Variants in KDM6B observed in about 807,000 individuals in gnomAD.
The protein encoded by KDM6B is lysine-specific demethylase 6B.
Under a neutral mutation model 150.4 loss-of-function variants are expected in KDM6B, and 22 were observed. The observed-to-expected ratio is 0.15, with a 90% confidence interval of 0.10 to 0.21. The LOEUF is 0.21. Ranked by LOEUF, KDM6B falls within the 10% of genes least tolerant of loss-of-function variation. The pLI is 1.00. For synonymous variants in KDM6B, 1,148 were observed against 921.1 expected (o/e 1.25, Z -4.46); for missense variants, 1,984 against 2,234.3 (o/e 0.89, Z 2.26).
chr17:7,845,333 G>C lies in KDM6B; in HGVS notation c.-129G>C. 1 of 639,692 alleles carries C rather than the reference G, an allele frequency of 1.6e-6. No individual in the cohort carries two copies. Among genetic ancestry groups the C allele is most frequent in the South Asian group, 1.8e-5 (1 of 56,274 alleles). 39.6% of individuals were successfully genotyped at this position (639,692 alleles called of 1,614,324 possible). On this transcript the variant is annotated 5_prime_UTR_variant, in exon 4 of 24. Transcript: ENST00000448097. ...CTCTAGAATTGGCTGTGAAAGGACT[G>C]AGGCAGCCATCTGGGGGTAGCGGGC...
chr17:7,851,837 G>T, intron 18 of KDM6B, 41 bp downstream of exon 18: 1 of 1,562,260 alleles, frequency 6.4e-7, no homozygotes, highest in Non-Finnish European at 8.7e-7. Context: ...GGAAGCGCGA[G>T]AGGAGGGGCT....
At chr17:7,852,671 C>G (rs761912555) in intron 21 of KDM6B, 35 bp downstream of exon 21, 5 of 1,613,310 alleles carry the variant, frequency 3.1e-6, no homozygotes, top group East Asian at 4.5e-5. Context: ...CCCACCTCCA[C>G]TGACTGGTCC....
intron 21 of KDM6B, 58 bp from the exon 22 acceptor site, chr17:7,852,942 G>T: frequency 6.2e-7 from 1 of 1,611,880 alleles, no homozygotes; most frequent in Non-Finnish European, 8.5e-7. Context: ...CCTTGCTCCA[G>T]CCCTGCCTCA....
At position 7,845,944 on chromosome 17, in the gene KDM6B, C is replaced by T; in HGVS notation, c.210C>T (p.His70=). 1.2e-6 allele frequency: 2 copies of T among 1,613,952 alleles called. No individual in the cohort carries two copies. Among genetic ancestry groups the T allele is most frequent in the African/African-American group, 1.3e-5 (1 of 75,038 alleles). The change falls in exon 6 of 24, where the codon CAC becomes CAT. Residue 70 remains histidine (H), a synonymous_variant. Transcript: ENST00000448097. ...LPPSHGSSSG[H]PSKPYYAPGA... ...CTTCACATGGCAGTAGTTCTGGGCA[C>T]CCCAGCAAACCATATTATGCTCCAG...
intron 1 of KDM6B, among the ~76,000 whole-genome samples, chr17:7,835,767 C>A (rs1470400116): frequency 6.6e-6 from 1 of 151,392 alleles, no homozygotes; most frequent in Non-Finnish European, 1.5e-5. Context: ...CTGCGCCGCA[C>A]GCGCCCGAGC....
chr17:7,837,773 CTTG>C (rs1279283582), intron 1 of KDM6B, among the ~76,000 whole-genome samples: 8 of 152,254 alleles, frequency 5.3e-5, no homozygotes, highest in Admixed American at 2.0e-4. Context: ...AGAATGAGTG[CTTG>C]TTGTTATGAA....
chr17:7,851,274 T>A (rs199504557), intron 15 of KDM6B, 48 bp downstream of exon 15: 1 of 1,613,132 alleles, frequency 6.2e-7, no homozygotes, highest in African/African-American at 1.3e-5. Flanking sequence ...GGGGCTGCGG[T>A]GGGAGGGCTC....
At chr17:7,851,817 C>T (rs2078701088) in intron 18 of KDM6B, 21 bp downstream of exon 18, 3 of 1,557,046 alleles carry the variant, frequency 1.9e-6, no homozygotes, top group South Asian at 1.2e-5. Context: ...CGCCTGTGCG[C>T]GCTGATGCTG....
At position 7,843,281 on chromosome 17, in the gene KDM6B, G is replaced by GT. The variant is rs1224431650; in HGVS notation, c.-268-1619dup. ...TCCCCGCCCCTGCCTCGGTACTCGGGTGGGGGCAGTCACGGAGGGCCATAC... is the reference window on the plus strand; with the variant it reads ...TCCCCGCCCCTGCCTCGGTACTCGGGTTGGGGGCAGTCACGGAGGGCCATAC... On this transcript the variant is annotated intron_variant, in intron 2 of 23. Transcript: ENST00000448097. This position sits in a 1 kb window ranked among gnomAD's most constrained non-coding sequence, Gnocchi z 4.5. 1.3e-5 allele frequency among the ~76,000 whole-genome samples: 2 copies of GT among 152,172 alleles called. No individual in the cohort carries two copies. Among genetic ancestry groups the GT allele is most frequent in the Non-Finnish European group, 2.9e-5 (2 of 68,020 alleles).
Position 7,848,290 on chromosome 17 carries a change from C to T in KDM6B, c.2002C>T (p.Pro668Ser), listed in dbSNP as rs2078607941. Residue 668 changes from proline (P) to serine (S), a missense_variant, in exon 12 of 24, where the codon CCT (proline) becomes TCT (serine). Around this residue, in one of 13 missense-constraint regions of KDM6B, gnomAD observed 1,379 missense variants for 1,275.6 expected, o/e 1.08. Transcript: ENST00000448097. ...GGTTGGGGAGCTGCCTGCCCGAGGC[C>T]CTCGACTCTTTGATTTTCCCCCCAC... ...PGVGELPARG[P>S]RLFDFPPTPL... The T allele has an allele frequency of 1.2e-6, 2 of 1,612,446 alleles. No individual in the cohort carries two copies. Among genetic ancestry groups the T allele is most frequent in the Non-Finnish European group, 1.7e-6 (2 of 1,179,792 alleles).
chr17:7,853,639 C>T lies in KDM6B; in HGVS notation c.*118C>T, dbSNP rs991095804. On this transcript the variant is annotated 3_prime_UTR_variant, in exon 24 of 24. Coordinates refer to ENST00000448097, the MANE Select transcript of KDM6B (RefSeq NM_001348716.2). ...AGAAGGGGGTCGGGCCCAGCCCTTC[C>T]ACCCCATTGGCAGCTCCCCTCACTT... The T allele has an allele frequency of 1.1e-5, 7 of 647,466 alleles. No homozygotes were observed. The highest frequency in any genetic ancestry group is 1.6e-5 in the Non-Finnish European group (7 of 450,260). The allele number at this position is 647,466 out of a possible 1,614,324, so 40.1% of individuals were successfully genotyped here. A position where few individuals can be genotyped will look rare whatever the true frequency, so the allele number is the denominator to read the frequency against.
intron 2 of KDM6B, among the ~76,000 whole-genome samples, chr17:7,842,432 G>C (rs564870367): frequency 6.6e-6 from 1 of 152,336 alleles, no homozygotes; most frequent in South Asian, 2.1e-4. Context: ...TCCCAGCCTG[G>C]CTCTGGCCGC....
rs2078574992 is a variant in KDM6B at position 7,847,388 on chromosome 17, CCAG to C, written c.1203_1205del (p.Ser406del). ...CCCCCTGGCCTCCCCGGCACCACCA[CCAG>C]CAGCAGCAGTAGCAGCAGCAGCAAC... On this transcript the variant is annotated inframe_deletion, in exon 11 of 24. Coordinates refer to ENST00000448097, the MANE Select transcript of KDM6B (RefSeq NM_001348716.2). 1.2e-6 allele frequency: 2 copies of C among 1,613,472 alleles called. No individual in the cohort carries two copies. Among genetic ancestry groups the C allele is most frequent in the Non-Finnish European group, 8.5e-7 (1 of 1,179,992 alleles).
chr17:7,835,841 G>A (rs985900278), intron 1 of KDM6B, among the ~76,000 whole-genome samples: 1 of 150,490 alleles, frequency 6.6e-6, no homozygotes, highest in Non-Finnish European at 1.5e-5. Flanking sequence ...GTGTAAAGCC[G>A]CCTGAGGCTG....
intron 5 of KDM6B, 65 bp downstream of exon 5, chr17:7,845,756 G>A: frequency 6.2e-7 from 1 of 1,610,898 alleles, no homozygotes; most frequent in Non-Finnish European, 8.5e-7. Context: ...CTCAATCTGT[G>A]TCATTCTCCA....
Position 7,847,375 on chromosome 17 carries a change from C to T in KDM6B, c.1180C>T (p.Pro394Ser). 1 of 1,613,122 alleles carries T rather than the reference C, an allele frequency of 6.2e-7. No homozygotes were observed. The stretch of plus-strand genomic sequence containing the variant: ...CGCCCCTTCCCGGCCCCCTGGCCTC[C>T]CCGGCACCACCACCAGCAGCAGCAG... ...PYAPSRPPGL[P>S]GTTTSSSSSS... The change falls in exon 11 of 24, where the codon CCC (proline) becomes TCC (serine). Residue 394 changes from proline to serine, a missense_variant. Physicochemically the swap from Pro to Ser is moderately conservative, Grantham distance 74 (BLOSUM62 -1). This residue lies in a region of KDM6B where 1,379 missense variants were observed against 1,275.6 expected (regional missense o/e 1.08). Coordinates refer to ENST00000448097, the MANE Select transcript of KDM6B (RefSeq NM_001348716.2).
rs764318091 is a variant in KDM6B, at chr17:7,846,807, C to T, written c.712-12C>T. On this transcript the variant is annotated splice_polypyrimidine_tract_variant and intron_variant, in intron 9 of 23. Transcript: ENST00000448097. ...CTTGGGAATGGGATTCTCACACTCT[C>T]TTCTCTCCTAGACTGGCCTTCCCCC... The T allele has an allele frequency of 5.6e-6, 9 of 1,613,658 alleles. No individual in the cohort carries two copies. The highest frequency in any genetic ancestry group is 7.6e-6 in the Non-Finnish European group (9 of 1,179,934).
At chr17:7,841,818 G>A (rs1426095934) in intron 2 of KDM6B, among the ~76,000 whole-genome samples, 2 of 152,148 alleles carry the variant, frequency 1.3e-5, no homozygotes, top group African/African-American at 4.8e-5. Context: ...GGAAGGCTGG[G>A]GAAGGGAATC....
In KDM6B at chr17:7,847,012, G is replaced by A. The variant is rs200835362; in HGVS notation, c.905G>A (p.Arg302His). Residue 302 changes from arginine to histidine, a missense_variant, in exon 10 of 24, where the codon CGC becomes CAC. By Grantham distance (29) the Arg-to-His change is conservative (BLOSUM62 0). This residue lies in a region of KDM6B where 1,379 missense variants were observed against 1,275.6 expected (regional missense o/e 1.08). Transcript: ENST00000448097. ...PERKGSAPPE[R>H]QEQRHSLPHP... ...CGCAAGGGTTCAGCACCCCCAGAGC[G>A]CCAGGTGAGCCCCTGCCTGTTGCCT... The A allele has an allele frequency of 3.3e-5, 54 of 1,613,490 alleles. No homozygotes were observed. The highest frequency in any genetic ancestry group is 6.7e-5 in the Admixed American group (4 of 60,008).
Sources: allele counts gnomAD v4.1 joint callset (sites outside exome capture counted in the v4.1 genomes callset), GRCh38; gene constraint gnomAD v4.1.1; regional missense constraint gnomAD v4.1.1; non-coding constraint Gnocchi (gnomAD v3.1); transcripts MANE v1.5; gene names NCBI Gene and HGNC (gene_info 2026-07-23, HGNC 2026-07-21).